The following NPAS3 variants were observed in gnomAD, a reference collection of about 807,000 sequenced individuals.
NPAS3 encodes the protein neuronal PAS domain-containing protein 3.
Under a neutral mutation model 73.1 loss-of-function variants are expected in NPAS3, and 14 were observed. The observed-to-expected ratio is 0.19, with a 90% CI of 0.13 to 0.30. NPAS3 has a LOEUF of 0.30. Among genes scored for constraint, NPAS3 ranks in the 10% least tolerant of loss-of-function variants. NPAS3 has a pLI of 1.00. For missense variants in NPAS3, 1,096 were observed against 1,250.0 expected (o/e 0.88, Z 1.86); for synonymous variants, 620 against 541.5 (o/e 1.14, Z -2.01).
intron 6 of NPAS3, among the ~76,000 whole-genome samples, 185 bp from the exon 7 acceptor site, chr14:33,735,029 A>G (rs150004249): frequency 2.6e-4 from 40 of 152,176 alleles, no homozygotes; most frequent in Admixed American, 1.0e-3. Context: ...CTCTAGATAC[A>G]TTAATTTTTC....
At chr14:33,117,111 A>C (rs890337826) in intron 2 of NPAS3, among the ~76,000 whole-genome samples, 2 of 152,086 alleles carry the variant, frequency 1.3e-5, no homozygotes, top group African/African-American at 4.8e-5. Context: ...TGGGGGTACA[A>C]TGTGATGTTT....
At chr14:33,238,950 TAAAAC>T (rs2048127749) in intron 3 of NPAS3, among the ~76,000 whole-genome samples, 2 of 151,982 alleles carry the variant, frequency 1.3e-5, no homozygotes, top group South Asian at 2.1e-4. Flanking sequence ...TACTAAGAGT[TAAAAC>T]AAATCACTGC....
At chr14:33,082,848 A>C (rs2041902749) in intron 2 of NPAS3, among the ~76,000 whole-genome samples, 1 of 152,190 alleles carries the variant, frequency 6.6e-6, no homozygotes. Context: ...AATATATGAC[A>C]TTTAATACTC....
At chr14:33,261,056 T>C (rs2139955435) in intron 3 of NPAS3, among the ~76,000 whole-genome samples, 1 of 152,320 alleles carries the variant, frequency 6.6e-6, no homozygotes, top group South Asian at 2.1e-4. Flanking sequence ...CCTTTGCATG[T>C]ATTTCTCTTC....
intron 2 of NPAS3, among the ~76,000 whole-genome samples, chr14:33,207,312 G>A (rs1005992694): frequency 7.4e-5 from 11 of 149,562 alleles, no homozygotes; most frequent in Admixed American, 1.3e-4. Flanking sequence ...TTCACAAATC[G>A]CATGCAGTTG....
intron 3 of NPAS3, among the ~76,000 whole-genome samples, chr14:33,333,081 T>G (rs1235788916): frequency 6.6e-6 from 1 of 152,208 alleles, no homozygotes; most frequent in Non-Finnish European, 1.5e-5. Flanking sequence ...GCAGTCCTGG[T>G]TGAAGACAGA....
chr14:33,679,575 T>C (rs969689289), intron 6 of NPAS3, among the ~76,000 whole-genome samples: 3 of 152,206 alleles, frequency 2.0e-5, no homozygotes, highest in Non-Finnish European at 4.4e-5. Context: ...CGGTGTAATT[T>C]AGTTGGGAAA....
chr14:33,517,941 C>A (rs2053379620), intron 4 of NPAS3, among the ~76,000 whole-genome samples: 1 of 152,068 alleles, frequency 6.6e-6, no homozygotes, highest in African/African-American at 2.4e-5. Context: ...CTCCCCAGCA[C>A]CCTCCCTGAA....
chr14:33,629,086 A>G (rs2140127613), intron 5 of NPAS3, among the ~76,000 whole-genome samples: 1 of 152,094 alleles, frequency 6.6e-6, no homozygotes, highest in South Asian at 2.1e-4. Context: ...TACCAAAAAA[A>G]TAGCCAGGCG....
At position 33,139,243 on chromosome 14, in the gene NPAS3, C is replaced by T. The variant is rs187702425; in HGVS notation, c.141-75939C>T. 2.7e-3 allele frequency among the ~76,000 whole-genome samples: 409 copies of T among 152,282 alleles called. 1 individual carries two copies. Among genetic ancestry groups the T allele is most frequent in the African/African-American group, 8.2e-3 (341 of 41,560 alleles). On this transcript the variant is annotated intron_variant, in intron 2 of 11. Transcript: ENST00000356141. ...AACTATAGGATTTTGAGACTGTTCACATGTTACCATCAGTTGCCCTTTCTG... is the reference window on the plus strand; with the variant it reads ...AACTATAGGATTTTGAGACTGTTCATATGTTACCATCAGTTGCCCTTTCTG...
At chr14:33,575,168 G>A (rs982953453) in intron 5 of NPAS3, among the ~76,000 whole-genome samples, 1 of 152,160 alleles carries the variant, frequency 6.6e-6, no homozygotes, top group African/African-American at 2.4e-5. Flanking sequence ...AACATATCAT[G>A]CAATTAACTT....
rs539444378 is a variant in NPAS3 at position 33,095,765 on chromosome 14, T to G, written c.140+39771T>G. Among the ~76,000 whole-genome samples the G allele has an allele frequency of 2.7e-5, 4 of 146,234 alleles. No individual in the cohort carries two copies. The South Asian group carries it at 8.8e-4, about 32-fold the overall frequency. ...CTCACTGCAAGCTCCGCCTCCCGGG[T>G]TCACGCCATTCTCCTGCCTCAGCCT... On this transcript the variant is annotated intron_variant, in intron 2 of 11. Transcript: ENST00000356141.
At chr14:33,304,438 T>C (rs1159479009) in intron 3 of NPAS3, among the ~76,000 whole-genome samples, 1 of 151,956 alleles carries the variant, frequency 6.6e-6, no homozygotes, top group East Asian at 1.9e-4. Context: ...TTAGTGTCTA[T>C]CAAACATGGC....
intron 2 of NPAS3, among the ~76,000 whole-genome samples, chr14:33,069,342 G>A (rs189659178): frequency 1.9e-4 from 29 of 152,240 alleles, no homozygotes; most frequent in Non-Finnish European, 3.5e-4. Flanking sequence ...GTGTATGTAC[G>A]GATAATATCT....
chr14:33,438,679 C>T (rs1468859885), intron 4 of NPAS3, among the ~76,000 whole-genome samples: 2 of 152,182 alleles, frequency 1.3e-5, no homozygotes, highest in African/African-American at 4.8e-5. Context: ...AATCCATGCT[C>T]AGAATCACTA....
rs527728986 is a variant in NPAS3 at position 33,354,417 on chromosome 14, C to T, written c.386-12769C>T. ...ACATGGCTGCCGCTTTATCCACCCT[C>T]TGCTCTGGCTGTCTGCACTCAGGCT... On this transcript the variant is annotated intron_variant, in intron 3 of 11. Transcript: ENST00000356141. 2.6e-5 allele frequency among the ~76,000 whole-genome samples: 4 copies of T among 152,352 alleles called. No individual in the cohort carries two copies. In the South Asian group the frequency reaches 8.3e-4, roughly 32 times the overall value.
chr14:33,467,789 AT>A (rs1370154412), intron 4 of NPAS3, among the ~76,000 whole-genome samples: 1 of 152,076 alleles, frequency 6.6e-6, no homozygotes, highest in African/African-American at 2.4e-5. Context: ...AAAACTAATG[AT>A]TTTCTGTGTT....
At chr14:33,574,874 A>G (rs1191738610) in intron 5 of NPAS3, among the ~76,000 whole-genome samples, 1 of 152,146 alleles carries the variant, frequency 6.6e-6, no homozygotes, top group African/African-American at 2.4e-5. Context: ...CCAGTTCTGA[A>G]CTCATGGTGG....
chr14:32,937,811 T>C (rs958734455), upstream of NPAS3, among the ~76,000 whole-genome samples: 2 of 152,202 alleles, frequency 1.3e-5, no homozygotes, highest in African/African-American at 4.8e-5. Flanking sequence ...TTGGGAGTCC[T>C]TTCTACTTGC....
Sources: gnomAD v4.1 joint callset for allele counts (sites outside exome capture counted in the v4.1 genomes callset) on GRCh38, gnomAD v4.1.1 for gene constraint, MANE v1.5 for transcripts, NCBI Gene and HGNC (gene_info 2026-07-23, HGNC 2026-07-21) for gene names.